The following ADAMTSL1 variants were observed in gnomAD, a reference collection of about 807,000 sequenced individuals.
ADAMTSL1 encodes the protein ADAMTS-like protein 1.
ADAMTSL1 carries 126 observed loss-of-function variants against 201.8 expected under a neutral mutation model. The ratio of observed to expected loss-of-function variants is 0.62; its 90% CI spans 0.54 to 0.72. The LOEUF (loss-of-function observed/expected upper bound fraction) is 0.72. ADAMTSL1 is among the 30% of genes least tolerant of loss of function. The probability of loss-of-function intolerance (pLI) is 0.00; values close to 1 mark genes in which losing one functional copy is unlikely to be tolerated. For synonymous variants in ADAMTSL1, 1,121 were observed against 903.4 expected (o/e 1.24, Z -4.32); for missense variants, 2,679 against 2,277.8 (o/e 1.18, Z -3.59).
chr9:18,006,704 C>G (rs1563945533), intron 1 of ADAMTSL1, among the ~76,000 whole-genome samples: 1 of 151,970 alleles, frequency 6.6e-6, no homozygotes, highest in African/African-American at 2.4e-5. Context: ...CAGTGTTCTT[C>G]TAGCTCTCAC....
chr9:18,747,277 G>C (rs1203417211), intron 15 of ADAMTSL1, among the ~76,000 whole-genome samples: 2 of 152,118 alleles, frequency 1.3e-5, no homozygotes, highest in Non-Finnish European at 2.9e-5. Flanking sequence ...CTGTAAAATG[G>C]GGAAACTTAC....
chr9:17,980,144 A>C (rs559208397), intron 1 of ADAMTSL1, among the ~76,000 whole-genome samples: 70 of 152,190 alleles, frequency 4.6e-4, no homozygotes, highest in Non-Finnish European at 8.7e-4. Context: ...TGTTCTTTCT[A>C]CTTCTTAAAT....
At chr9:18,568,194 CA>C (rs1411389726) in intron 3 of ADAMTSL1, among the ~76,000 whole-genome samples, 1 of 152,058 alleles carries the variant, frequency 6.6e-6, no homozygotes, top group Non-Finnish European at 1.5e-5. Flanking sequence ...GAAATTGAAA[CA>C]CTGATTTTTT....
At chr9:18,205,145 A>C (rs1829599183) in intron 2 of ADAMTSL1, among the ~76,000 whole-genome samples, 1 of 152,120 alleles carries the variant, frequency 6.6e-6, no homozygotes, top group Admixed American at 6.6e-5. Flanking sequence ...TATTTTATTA[A>C]TGAGATCTGA....
At chr9:18,738,602 C>T (rs1485249309) in intron 15 of ADAMTSL1, among the ~76,000 whole-genome samples, 1 of 152,104 alleles carries the variant, frequency 6.6e-6, no homozygotes, top group East Asian at 1.9e-4. Context: ...AATCTAATTG[C>T]TGAGTTGCCC....
chr9:18,657,086 G>GC (rs1374047583), intron 7 of ADAMTSL1, among the ~76,000 whole-genome samples: 11 of 152,134 alleles, frequency 7.2e-5, no homozygotes, highest in African/African-American at 2.4e-4. Context: ...AGTTCGCTGG[G>GC]CATGGGCCCA....
intron 2 of ADAMTSL1, among the ~76,000 whole-genome samples, chr9:18,515,310 G>A (rs1388149514): frequency 6.6e-6 from 1 of 152,074 alleles, no homozygotes; most frequent in Non-Finnish European, 1.5e-5. Flanking sequence ...TAGAGGTTAG[G>A]GTAAAGAAGA....
intron 7 of ADAMTSL1, among the ~76,000 whole-genome samples, chr9:18,645,930 T>G (rs201702005): frequency 1.3e-5 from 2 of 149,850 alleles, no homozygotes; most frequent in Admixed American, 6.7e-5. Context: ...GTGAAGAAAG[T>G]CATTGGTAGC....
chr9:18,853,920 C>CGT (rs1563860260), intron 23 of ADAMTSL1, among the ~76,000 whole-genome samples: 8 of 21,486 alleles, frequency 3.7e-4, no homozygotes, highest in Non-Finnish European at 5.9e-4. Context: ...TGTGTGTGTG[C>CGT]GCGTGCATGC....
At chr9:18,780,501 TA>T (rs1821332789) in intron 19 of ADAMTSL1, among the ~76,000 whole-genome samples, 3 of 152,202 alleles carry the variant, frequency 2.0e-5, no homozygotes, top group African/African-American at 4.8e-5. Flanking sequence ...ATTTTATGTC[TA>T]TTTTTTTAAT....
At chr9:18,828,799 A>T (rs563894386) in intron 22 of ADAMTSL1, among the ~76,000 whole-genome samples, 1 of 150,870 alleles carries the variant, frequency 6.6e-6, no homozygotes, top group Non-Finnish European at 1.5e-5. Flanking sequence ...TCAGACAGAA[A>T]GACTGAAGGT....
rs117859836 is a variant in ADAMTSL1, at chr9:18,413,961, A to G, written c.208-90868A>G. Among the ~76,000 whole-genome samples, 482 of 152,352 alleles carry G rather than the reference A, an allele frequency of 3.2e-3. 3 individuals carry two copies. The highest frequency in any genetic ancestry group is 0.017 in the South Asian group (81 of 4,826). ...ATTCTGTCTGAACTACTAAATCTTT[A>G]GGAAAATTACAAAATCTGAATTGTT... On this transcript the variant is annotated intron_variant, in intron 2 of 29. Coordinates refer to the ADAMTSL1 transcript ENST00000680146.
At chr9:18,280,690 C>T (rs1253847524) in intron 2 of ADAMTSL1, among the ~76,000 whole-genome samples, 1 of 152,082 alleles carries the variant, frequency 6.6e-6, no homozygotes, top group African/African-American at 2.4e-5. Context: ...TTTAAAATTT[C>T]CTTGTAAAAT....
At chr9:18,121,401 A>T (rs1587097794) in intron 1 of ADAMTSL1, among the ~76,000 whole-genome samples, 1 of 152,308 alleles carries the variant, frequency 6.6e-6, no homozygotes, top group South Asian at 2.1e-4. Flanking sequence ...AGATTGAAAT[A>T]CCCACCCACA....
At chr9:18,570,993 T>C (rs1389126814) in intron 3 of ADAMTSL1, among the ~76,000 whole-genome samples, 1 of 152,188 alleles carries the variant, frequency 6.6e-6, no homozygotes, top group Non-Finnish European at 1.5e-5. Context: ...CTAAATGTGT[T>C]TACTGTGTTT....
intron 23 of ADAMTSL1, among the ~76,000 whole-genome samples, chr9:18,832,780 A>G (rs1825069658): frequency 1.3e-5 from 2 of 152,204 alleles, no homozygotes; most frequent in Admixed American, 1.3e-4. Context: ...TGTTGTAGCC[A>G]GTGAGTGGTG....
intron 3 of ADAMTSL1, among the ~76,000 whole-genome samples, chr9:18,565,662 C>G (rs1450084498): frequency 6.6e-6 from 1 of 151,280 alleles, no homozygotes; most frequent in African/African-American, 2.4e-5. Flanking sequence ...TCCTCCAAAA[C>G]TGACCCCACT....
intron 1 of ADAMTSL1, among the ~76,000 whole-genome samples, chr9:17,974,261 A>C (rs201218599): frequency 6.6e-6 from 1 of 151,970 alleles, no homozygotes; most frequent in African/African-American, 2.4e-5. Context: ...TCAGGCAGGA[A>C]AAGGAAATAA....
chr9:18,647,162 A>G (rs887568281), intron 7 of ADAMTSL1, among the ~76,000 whole-genome samples: 13 of 152,058 alleles, frequency 8.5e-5, no homozygotes, highest in Non-Finnish European at 1.8e-4. Flanking sequence ...TAGATTTTCT[A>G]GTTTATTTGT....
Sources: gnomAD v4.1 joint callset for allele counts (sites outside exome capture counted in the v4.1 genomes callset) on GRCh38, gnomAD v4.1.1 for gene constraint, MANE v1.5 for transcripts, NCBI Gene and HGNC (gene_info 2026-07-23, HGNC 2026-07-21) for gene names.